FRMD5: variants seen among roughly 807,000 people sequenced by gnomAD.
FRMD5 encodes FERM domain-containing protein 5.
Under a neutral mutation model 69.0 loss-of-function variants are expected in FRMD5, and 20 were observed. The observed-to-expected ratio is 0.29, with a 90% CI of 0.20 to 0.42. The LOEUF (loss-of-function observed/expected upper bound fraction) is 0.42, where lower values mean the gene tolerates loss of function less well. FRMD5 is among the 10% of genes least tolerant of loss of function. FRMD5 has a pLI of 1.00. For synonymous variants in FRMD5, 271 were observed against 260.1 expected (o/e 1.04, Z -0.40); for missense variants, 595 against 708.6 (o/e 0.84, Z 1.82).
In FRMD5 at chr15:43,874,383, C is replaced by G; in HGVS notation, c.1215G>C (p.Val405=). ...TSHGDTFLPH[V]RSSRTDSNER... is the part of the protein sequence containing the mutation. ...CATTGCTATCTGTCCGGCTGCTTCT[C>G]ACGTGAGGCAGGAAGGTGTCCCCAT... Residue 405 remains valine (V), a synonymous_variant, in exon 14 of 14, where the codon GTG becomes GTC. Transcript: ENST00000417257. The G allele has an allele frequency of 6.2e-7, 1 of 1,614,194 alleles. No homozygotes were observed.
intron 1 of FRMD5, among the ~76,000 whole-genome samples, chr15:43,993,354 G>A (rs760749819): frequency 1.3e-5 from 2 of 151,988 alleles, no homozygotes; most frequent in East Asian, 1.9e-4. Flanking sequence ...CACCATGCCC[G>A]GCTAATTTTT....
rs1291261094 is a variant in FRMD5 at position 44,081,191 on chromosome 15, A to T, written c.102+113762T>A. ...AGTTTGGCTGCTTTGCCTCATTTCT[A>T]AAAAAAATTCATTACACTCCATAGC... On this transcript the variant is annotated intron_variant, in intron 1 of 13. Coordinates refer to ENST00000417257, the MANE Select transcript of FRMD5 (RefSeq NM_032892.5). Among the ~76,000 whole-genome samples, 4 of 151,922 alleles carry T rather than the reference A, an allele frequency of 2.6e-5. No individual in the cohort carries two copies. In the South Asian group the frequency reaches 6.2e-4, roughly 24 times the overall value.
At chr15:44,194,680 G>C (rs1595579640) in intron 1 of FRMD5, 3 of 492,794 alleles carry the variant, frequency 6.1e-6, no homozygotes, top group Admixed American at 3.7e-5. Flanking sequence ...GAACCAGGAC[G>C]GGGCGCCCTC....
At chr15:44,036,026 C>T (rs1474280716) in intron 1 of FRMD5, among the ~76,000 whole-genome samples, 1 of 152,108 alleles carries the variant, frequency 6.6e-6, no homozygotes, top group East Asian at 1.9e-4. Flanking sequence ...GTATGCTGAC[C>T]TAAGAGAAGC....
intron 13 of FRMD5, among the ~76,000 whole-genome samples, chr15:43,877,025 G>A (rs982962622): frequency 2.0e-5 from 3 of 152,182 alleles, no homozygotes; most frequent in Non-Finnish European, 4.4e-5. Flanking sequence ...CTGAACAGCA[G>A]CCACCCAGGC....
At chr15:44,178,668 G>A (rs1595560911) in intron 1 of FRMD5, among the ~76,000 whole-genome samples, 2 of 152,098 alleles carry the variant, frequency 1.3e-5, no homozygotes, top group African/African-American at 2.4e-5. Flanking sequence ...TAACTTAGAG[G>A]GGAAATGACA....
intron 1 of FRMD5, among the ~76,000 whole-genome samples, chr15:44,132,256 C>T (rs1386417543): frequency 6.6e-6 from 1 of 152,212 alleles, no homozygotes; most frequent in Non-Finnish European, 1.5e-5. Context: ...ACTTGCTCGT[C>T]CACCACTCAC....
At chr15:44,014,753 G>GA (rs970990892) in intron 1 of FRMD5, among the ~76,000 whole-genome samples, 13 of 150,134 alleles carry the variant, frequency 8.7e-5, no homozygotes, top group African/African-American at 1.2e-4. Context: ...AAAGAAAAAA[G>GA]AAAAAAAAAG....
chr15:43,916,072 A>G (rs1188710448), intron 4 of FRMD5, among the ~76,000 whole-genome samples: 3 of 152,190 alleles, frequency 2.0e-5, no homozygotes, highest in Non-Finnish European at 4.4e-5. Flanking sequence ...CACTCCTGAC[A>G]ATGCTGGAAA....
chr15:43,982,735 GT>G (rs1396534702), intron 1 of FRMD5, among the ~76,000 whole-genome samples: 7 of 151,890 alleles, frequency 4.6e-5, no homozygotes, highest in Non-Finnish European at 1.0e-4. Context: ...TATTTTTAAA[GT>G]TTTTTTTCTA....
At chr15:44,172,185 G>A (rs1403467990) in intron 1 of FRMD5, among the ~76,000 whole-genome samples, 4 of 151,714 alleles carry the variant, frequency 2.6e-5, no homozygotes, top group Non-Finnish European at 5.9e-5. Context: ...CGACCTCCTG[G>A]GCTCAAGTGA....
chr15:44,131,292 A>G (rs985719932), intron 1 of FRMD5, among the ~76,000 whole-genome samples: 10 of 152,354 alleles, frequency 6.6e-5, no homozygotes, highest in African/African-American at 2.4e-4. Context: ...CAAAAAAACA[A>G]AAAATAACAA....
At chr15:43,970,704 T>C (rs760926353) in intron 1 of FRMD5, among the ~76,000 whole-genome samples, 1 of 152,174 alleles carries the variant, frequency 6.6e-6, no homozygotes, top group Non-Finnish European at 1.5e-5. Context: ...TGATATGCCT[T>C]GGCCTCCCAA....
chr15:43,999,963 T>TATATATATATATATATATGCCATGC (rs1890125247), intron 1 of FRMD5, among the ~76,000 whole-genome samples: 2 of 75,990 alleles, frequency 2.6e-5, no homozygotes, highest in East Asian at 3.8e-4. Flanking sequence ...CATATATATA[T>TATATATATATATATATATGCCATGC]ATATATATAT....
intron 1 of FRMD5, among the ~76,000 whole-genome samples, chr15:44,150,704 T>C (rs1238878773): frequency 6.6e-6 from 1 of 151,634 alleles, no homozygotes; most frequent in Non-Finnish European, 1.5e-5. Context: ...TGAAGCAGGA[T>C]TGTTTGAGTC....
intron 1 of FRMD5, among the ~76,000 whole-genome samples, chr15:44,043,688 T>A (rs151108333): frequency 6.6e-6 from 1 of 152,188 alleles, no homozygotes; most frequent in African/African-American, 2.4e-5. Context: ...GATTCCCTAT[T>A]TAATAAATGG....
At chr15:44,025,107 G>C (rs1414103123) in intron 1 of FRMD5, among the ~76,000 whole-genome samples, 1 of 152,188 alleles carries the variant, frequency 6.6e-6, no homozygotes, top group Non-Finnish European at 1.5e-5. Context: ...GTGAGGAATA[G>C]AGTTTAATCC....
At chr15:43,977,535 T>C (rs1158579663) in intron 1 of FRMD5, among the ~76,000 whole-genome samples, 1 of 152,174 alleles carries the variant, frequency 6.6e-6, no homozygotes, top group East Asian at 1.9e-4. Flanking sequence ...TATGGTGGTC[T>C]GAGCAACTGA....
At chr15:44,181,211 T>C (rs915758907) in intron 1 of FRMD5, among the ~76,000 whole-genome samples, 2 of 151,956 alleles carry the variant, frequency 1.3e-5, no homozygotes, top group Admixed American at 1.3e-4. Flanking sequence ...AATTTTTTTT[T>C]TTATTATTTT....
Sources: allele counts gnomAD v4.1 joint callset (sites outside exome capture counted in the v4.1 genomes callset), GRCh38; gene constraint gnomAD v4.1.1; transcripts MANE v1.5; gene names NCBI Gene and HGNC (gene_info 2026-07-23, HGNC 2026-07-21).